ZBED1: variants seen among roughly 807,000 people sequenced by gnomAD.
The protein encoded by ZBED1 is zinc finger BED-type containing 1.
A neutral mutation model predicts 49.7 loss-of-function variants in ZBED1; 19 were observed. The observed-to-expected ratio is 0.38, with a 90% CI of 0.27 to 0.56. The LOEUF is 0.56. ZBED1 is among the 20% of genes least tolerant of loss of function. The pLI, the probability that ZBED1 is intolerant of heterozygous loss-of-function variation, is 0.70. For missense variants in ZBED1, 806 were observed against 972.6 expected (o/e 0.83, Z 2.28); for synonymous variants, 439 against 440.3 (o/e 1.00, Z 0.04).
At chrX:2,498,648 C>T (rs2045341271) in intron 1 of ZBED1, among the ~76,000 whole-genome samples, 1 of 147,670 alleles carries the variant, frequency 6.8e-6, no homozygotes, top group Non-Finnish European at 1.5e-5. Flanking sequence ...AAAAAAGATT[C>T]CAGCCCTTTT....
chrX:2,500,846 C>T lies in ZBED1; in HGVS notation c.-83G>A. 1 of 1,152,196 alleles carries T rather than the reference C, an allele frequency of 8.7e-7. No homozygotes were observed. Among genetic ancestry groups the T allele is most frequent in the South Asian group, 3.2e-5 (1 of 31,446 alleles). The allele number at this position is 1,152,196 out of a possible 1,614,324, so 71.4% of individuals were successfully genotyped here. A position where few individuals can be genotyped will look rare whatever the true frequency, so the allele number is the denominator to read the frequency against. On this transcript the variant is annotated 5_prime_UTR_variant, in exon 1 of 2. Transcript: ENST00000652001. ...CTCCAGGAAGCCCCCGCGGCAGCGC[C>T]GCAGCAGCTGCGCCAGGATCACCGC...
intron 1 of ZBED1, among the ~76,000 whole-genome samples, chrX:2,493,355 G>C (rs1273338685): frequency 1.3e-5 from 2 of 151,976 alleles, no homozygotes; most frequent in African/African-American, 4.8e-5. Context: ...GCTGAAACAG[G>C]TTTTGGTAAT....
At chrX:2,495,832 G>A (rs35973124) in intron 1 of ZBED1, among the ~76,000 whole-genome samples, 14,694 of 152,048 alleles carry the variant, frequency 0.097, 820 homozygotes, top group African/African-American at 0.14. Flanking sequence ...GCGATTTCAC[G>A]TTTCCAATTG....
chrX:2,488,839 G>T lies in ZBED1; in HGVS notation c.1881C>A (p.Asn627Lys), dbSNP rs375144336. The change falls in exon 2 of 2, where the codon AAC becomes AAA. Residue 627 changes from asparagine to lysine, a missense_variant. By Grantham distance (94) the Asn-to-Lys change is moderately conservative (BLOSUM62 0). This residue lies in a region of ZBED1 where 749 missense variants were observed against 861.3 expected (regional missense o/e 0.87). Transcript: ENST00000652001. ...GCCGGTTCCTCTTGGCGCTGACCAC[G>T]TTGGCGGCGGATCCGAAGAGACGCT... Reference protein sequence around the residue: ...APERLFGSAANVVSAKRNRLA... With the variant: ...APERLFGSAAKVVSAKRNRLA... 5.2e-5 allele frequency: 84 copies of T among 1,613,654 alleles called. No homozygotes were observed. Among genetic ancestry groups the T allele is most frequent in the Non-Finnish European group, 6.9e-5 (81 of 1,179,836 alleles).
At chrX:2,497,355 T>C (rs149992225) in intron 1 of ZBED1, among the ~76,000 whole-genome samples, 599 of 152,234 alleles carry the variant, frequency 3.9e-3, no homozygotes, top group Non-Finnish European at 6.3e-3. Flanking sequence ...ATCACGCCAT[T>C]GCACTCCAGC....
Position 2,489,916 on chromosome X carries a change from GGT to G in ZBED1, c.802_803del (p.Thr268HisfsTer66). 1 of 1,613,872 alleles carries G rather than the reference GGT, an allele frequency of 6.2e-7. No homozygotes were observed. The highest frequency in any genetic ancestry group is 8.5e-7 in the Non-Finnish European group (1 of 1,179,874). On this transcript the variant is annotated frameshift_variant, in exon 2 of 2. Coordinates refer to ENST00000652001, the MANE Select transcript of ZBED1 (RefSeq NM_001171136.2). LOFTEE classifies it high-confidence loss of function. ...TCACGATGTCCTTGCCATAGTTGGT[GGT>G]GGCCCCGAAGACCTTGGCGCTGATG... ...WGISAKVFGA[T>X]TNYGKDIVKA...
chrX:2,486,849 A>G lies in ZBED1; in HGVS notation c.*1786T>C, dbSNP rs979428397. On this transcript the variant is annotated 3_prime_UTR_variant, in exon 2 of 2. Transcript: ENST00000652001. The stretch of plus-strand genomic sequence containing the variant: ...TTCCACAGACTTAAACCGGCTCAGG[A>G]CGTAAGGATAACATTCTGTGCTGCT... 7 of 152,238 alleles carry G rather than the reference A, an allele frequency of 4.6e-5. No homozygotes were observed. The highest frequency in any genetic ancestry group is 1.7e-4 in the African/African-American group (7 of 41,458). The allele number at this position is 152,238 out of a possible 1,614,324, so 9.4% of individuals were successfully genotyped here.
intron 1 of ZBED1, among the ~76,000 whole-genome samples, chrX:2,499,895 T>C (rs1213287671): frequency 6.6e-6 from 1 of 151,882 alleles, no homozygotes; most frequent in Non-Finnish European, 1.5e-5. Flanking sequence ...TTTAAAACAT[T>C]AGTCGGATGC....
chrX:2,490,136 C>G lies in ZBED1; in HGVS notation c.584G>C (p.Gly195Ala). The change falls in exon 2 of 2, where the codon GGC (glycine) becomes GCC (alanine). Residue 195 changes from glycine (G) to alanine (A), a missense_variant. Transcript: ENST00000652001. ...LKELAEATWC[G>A]ISTDMWRSEN... ...ACTCCTCCACATGTCGGTGGAGATG[C>G]CACACCAGGTGGCCTCGGCCAGCTC... The G allele has an allele frequency of 6.2e-7, 1 of 1,613,932 alleles. No homozygotes were observed. Among genetic ancestry groups the G allele is most frequent in the Non-Finnish European group, 8.5e-7 (1 of 1,179,876 alleles).
intron 1 of ZBED1, among the ~76,000 whole-genome samples, chrX:2,491,066 GTTTTTT>G (rs900738620): frequency 9.1e-6 from 1 of 110,246 alleles, no homozygotes; most frequent in Admixed American, 1.0e-4. Flanking sequence ...AGTGCCTTTA[GTTTTTT>G]TTTTTTTTTT....
chrX:2,492,963 G>A (rs1046844126), intron 1 of ZBED1, among the ~76,000 whole-genome samples: 4 of 152,214 alleles, frequency 2.6e-5, no homozygotes, highest in African/African-American at 7.2e-5. Context: ...GGGCAGTCGC[G>A]GCCTGCGTTG....
intron 1 of ZBED1, among the ~76,000 whole-genome samples, chrX:2,498,751 C>A (rs4892935): frequency 3.3e-5 from 5 of 151,984 alleles, no homozygotes; most frequent in Admixed American, 6.6e-5. Flanking sequence ...CACACAGGCC[C>A]TTAAGGAGGT....
At chrX:2,496,027 A>C (rs1453474611) in intron 1 of ZBED1, among the ~76,000 whole-genome samples, 3 of 152,170 alleles carry the variant, frequency 2.0e-5, no homozygotes, top group African/African-American at 7.2e-5. Context: ...TGGAAATGAC[A>C]ATCATTTTTC....
chrX:2,498,642 AAG>A, intron 1 of ZBED1, among the ~76,000 whole-genome samples: 1 of 151,698 alleles, frequency 6.6e-6, no homozygotes, highest in Admixed American at 6.6e-5. Context: ...AAAAAAAAAA[AAG>A]ATTCCAGCCC....
rs767728912 is a variant in ZBED1 at position 2,490,321 on chromosome X, G to A, written c.399C>T (p.Leu133=). 6 of 1,613,390 alleles carry A rather than the reference G, an allele frequency of 3.7e-6. No homozygotes were observed. Among genetic ancestry groups the A allele is most frequent in the Admixed American group, 3.3e-5 (2 of 60,020 alleles). ...AGGCTGGGTACAGCCCCTCGCAGAT[G>A]AGGCCCAGCACGGCGGCCGTCAGCT... is the stretch of plus-strand genomic sequence containing the variant. ...QQELTAAVLG[L]ICEGLYPASI... is the part of the protein sequence containing the mutation. The change falls in exon 2 of 2, where the codon CTC becomes CTT. Residue 133 remains leucine, a synonymous_variant. Transcript: ENST00000652001.
rs749663994 is a variant in ZBED1, at chrX:2,488,748, C to T, written c.1972G>A (p.Glu658Lys). 3 of 1,613,984 alleles carry T rather than the reference C, an allele frequency of 1.9e-6. No individual in the cohort carries two copies. The highest frequency in any genetic ancestry group is 2.5e-6 in the Non-Finnish European group (3 of 1,179,880). ...TCCCCCTCGTCCTGGTCCTCGGGTT[C>T]CGCCTCTGCCCCACTCCGGGCGTTC... ...YENARSGAEA[E>K]PEDQDEGEWG... is the part of the protein sequence containing the mutation. The change falls in exon 2 of 2, where the codon GAA becomes AAA. Residue 658 changes from glutamate (E) to lysine (K), a missense_variant. Glu to Lys is a moderately conservative substitution (Grantham distance 56). Transcript: ENST00000652001.
intron 1 of ZBED1, among the ~76,000 whole-genome samples, chrX:2,495,931 G>A (rs2124132683): frequency 6.6e-6 from 1 of 152,256 alleles, no homozygotes; most frequent in South Asian, 2.1e-4. Flanking sequence ...AGCAGAGGAA[G>A]GAGCCAGCCG....
chrX:2,490,339 C>T lies in ZBED1; in HGVS notation c.381G>A (p.Thr127=), dbSNP rs2045101819. ...GYDSKKQQEL[T]AAVLGLICEG... is the part of the protein sequence containing the mutation. ...CGCAGATGAGGCCCAGCACGGCGGC[C>T]GTCAGCTCCTGCTGCTTCTTGCTGT... Residue 127 remains threonine, a synonymous_variant, in exon 2 of 2, where the codon ACG becomes ACA. Coordinates refer to ENST00000652001, the MANE Select transcript of ZBED1 (RefSeq NM_001171136.2). 10 of 1,613,206 alleles carry T rather than the reference C, an allele frequency of 6.2e-6. No individual in the cohort carries two copies. Among genetic ancestry groups the T allele is most frequent in the South Asian group, 4.4e-5 (4 of 91,036 alleles).
chrX:2,489,643 G>A lies in ZBED1; in HGVS notation c.1077C>T (p.Ala359=). 1.9e-6 allele frequency: 3 copies of A among 1,612,558 alleles called. No homozygotes were observed. The highest frequency in any genetic ancestry group is 1.7e-6 in the Non-Finnish European group (2 of 1,179,804). Residue 359 remains alanine (A), a synonymous_variant, in exon 2 of 2, where the codon GCC becomes GCT. Coordinates refer to ENST00000652001, the MANE Select transcript of ZBED1 (RefSeq NM_001171136.2). ...NRVSWWGSTL[A]MLQRLKEQQF... ...GCTGCTCCTTGAGGCGCTGCAGCAT[G>A]GCCAGCGTGCTCCCCCACCAGGAGA...
Sources: allele counts gnomAD v4.1 joint callset (sites outside exome capture counted in the v4.1 genomes callset), GRCh38; gene constraint gnomAD v4.1.1; regional missense constraint gnomAD v4.1.1; transcripts MANE v1.5; gene names NCBI Gene and HGNC (gene_info 2026-07-23, HGNC 2026-07-21).